C3orf20: variants seen among roughly 807,000 people sequenced by gnomAD.
C3orf20 encodes family with sequence similarity 149 member C, also known as uncharacterized protein C3orf20.
A neutral mutation model predicts 88.3 loss-of-function variants in C3orf20; 76 were observed. The observed-to-expected ratio is 0.86, with a 90% CI of 0.72 to 1.04. The LOEUF (loss-of-function observed/expected upper bound fraction) is 1.04, where lower values mean the gene tolerates loss of function less well. Among genes scored for constraint, C3orf20 ranks in the 50% least tolerant of loss-of-function variants. The probability of loss-of-function intolerance (pLI) is 0.00; values close to 1 mark genes in which losing one functional copy is unlikely to be tolerated. For synonymous variants in C3orf20, 436 were observed against 437.4 expected, an observed-to-expected ratio of 1.00 and a Z score of 0.04; for missense variants, 1,056 against 1,123.3, an observed-to-expected ratio of 0.94 and a Z score of 0.86.
At position 14,680,830 on chromosome 3, in the gene C3orf20, C is replaced by T. The variant is rs371604997; in HGVS notation, c.-298-1340C>T. On this transcript the variant is annotated intron_variant, in intron 1 of 16. Transcript: ENST00000253697. ...GACTTAAAAAAAAATCTGCCCTGCACAGTCAGGATCAGATCCCTCTGGCTG... is the reference window on the plus strand; with the variant it reads ...GACTTAAAAAAAAATCTGCCCTGCATAGTCAGGATCAGATCCCTCTGGCTG... Among the ~76,000 whole-genome samples, 4 of 152,246 alleles carry T rather than the reference C, an allele frequency of 2.6e-5. No homozygotes were observed. In the South Asian group the frequency reaches 6.2e-4, roughly 24 times the overall value.
rs1423066993 is a variant in C3orf20, at chr3:14,715,386, A to T, written c.1411A>T (p.Thr471Ser). 16 of 1,611,766 alleles carry T rather than the reference A, an allele frequency of 9.9e-6. No individual in the cohort carries two copies. In the South Asian group the frequency reaches 1.5e-4, roughly 16 times the overall value. Residue 471 changes from threonine (T) to serine (S), a missense_variant, in exon 9 of 17, where the codon ACC becomes TCC. Physicochemically the swap from Thr to Ser is moderately conservative, Grantham distance 58 (BLOSUM62 1). Transcript: ENST00000253697. ...GTGGAGCTGGACTTCCAGGACAGAG[A>T]CCCTGCTTTCCCTGGAATACAAGGT... ...HKWSWTSRTE[T>S]LLSLEYKVNE... is the part of the protein sequence containing the mutation.
intron 11 of C3orf20, among the ~76,000 whole-genome samples, chr3:14,727,913 C>G (rs2034411102): frequency 6.6e-6 from 1 of 152,174 alleles, no homozygotes; most frequent in Non-Finnish European, 1.5e-5. Context: ...TCTTGGGGTG[C>G]CTCTGCATGC....
intron 1 of C3orf20, among the ~76,000 whole-genome samples, chr3:14,678,219 C>G (rs192940430): frequency 7.9e-5 from 12 of 152,204 alleles, no homozygotes; most frequent in Non-Finnish European, 1.3e-4. Context: ...CTCTGTGCTG[C>G]GTGTGTGCTG....
chr3:14,741,693 G>T (rs1314261656), intron 12 of C3orf20, among the ~76,000 whole-genome samples: 3 of 152,204 alleles, frequency 2.0e-5, no homozygotes, highest in Non-Finnish European at 4.4e-5. Context: ...CTTTACTGAA[G>T]AGGTGTTACA....
At chr3:14,748,406 T>C (rs2035121539) in intron 12 of C3orf20, among the ~76,000 whole-genome samples, 1 of 152,104 alleles carries the variant, frequency 6.6e-6, no homozygotes, top group Admixed American at 6.6e-5. Context: ...AGAACCAACA[T>C]CTGTTTTGTT....
chr3:14,742,778 T>A (rs375112399), intron 12 of C3orf20, among the ~76,000 whole-genome samples: 180 of 152,258 alleles, frequency 1.2e-3, no homozygotes, highest in African/African-American at 3.7e-3. Flanking sequence ...GGCTAAAGGC[T>A]CTTCTTATGT....
intron 15 of C3orf20, among the ~76,000 whole-genome samples, chr3:14,761,928 C>G (rs1289688870): frequency 6.6e-6 from 1 of 152,104 alleles, no homozygotes; most frequent in Non-Finnish European, 1.5e-5. Context: ...GAAAGAGGGA[C>G]ATGGGAATGC....
At chr3:14,684,146 C>G (rs1428555164) in intron 3 of C3orf20, 96 bp from the exon 4 acceptor site, 9 of 1,522,346 alleles carry the variant, frequency 5.9e-6, no homozygotes, top group African/African-American at 4.1e-5. Context: ...GCGCTCTACT[C>G]TACCCTTCTT....
intron 1 of C3orf20, among the ~76,000 whole-genome samples, chr3:14,675,847 CG>C (rs2031738181): frequency 6.6e-6 from 1 of 152,118 alleles, no homozygotes; most frequent in Non-Finnish European, 1.5e-5. Flanking sequence ...TGCACCACCA[CG>C]TCCAGCTAAT....
chr3:14,697,428 T>G (rs1302777011), intron 5 of C3orf20, among the ~76,000 whole-genome samples: 3 of 152,076 alleles, frequency 2.0e-5, no homozygotes, highest in Non-Finnish European at 2.9e-5. Context: ...ACTAATTCTT[T>G]CTTCTGCTTG....
intron 12 of C3orf20, among the ~76,000 whole-genome samples, chr3:14,754,077 A>G (rs1043932326): frequency 1.3e-5 from 2 of 152,212 alleles, no homozygotes; most frequent in African/African-American, 4.8e-5. Flanking sequence ...CAAACCTGGT[A>G]TCTATATTCC....
Position 14,757,629 on chromosome 3 carries a change from T to A in C3orf20, c.2199T>A (p.Thr733=). Residue 733 remains threonine (T), a synonymous_variant, in exon 13 of 17, where the codon ACT becomes ACA. Transcript: ENST00000253697. ...STGQLQWLLN[T]LYNHQQRGRG... Reference sequence around the variant, plus strand: ...GGCAGCTCCAGTGGCTGCTGAACACTCTCTACAACCACCAGCAGCGGGGCC... The same window carrying A: ...GGCAGCTCCAGTGGCTGCTGAACACACTCTACAACCACCAGCAGCGGGGCC... The A allele has an allele frequency of 6.2e-7, 1 of 1,613,282 alleles. No individual in the cohort carries two copies. Among genetic ancestry groups the A allele is most frequent in the South Asian group, 1.1e-5 (1 of 91,064 alleles).
At chr3:14,759,344 AAAG>A (rs2035486773) in intron 13 of C3orf20, among the ~76,000 whole-genome samples, 1 of 152,170 alleles carries the variant, frequency 6.6e-6, no homozygotes, top group African/African-American at 2.4e-5. Flanking sequence ...AGGCATCCAG[AAAG>A]AAGGAGGGGA....
rs954790912 is a variant in C3orf20 at position 14,695,196 on chromosome 3, T to C, written c.745+5080T>C. Among the ~76,000 whole-genome samples, 4 of 152,206 alleles carry C rather than the reference T, an allele frequency of 2.6e-5. No homozygotes were observed. The East Asian group carries it at 7.7e-4, about 29-fold the overall frequency. ...GTTTTGGTATGTTGTGTTTCCATTG[T>C]CTTTTGCTTCAAGAATTTTTAAAAT... On this transcript the variant is annotated intron_variant, in intron 5 of 16. Transcript: ENST00000253697.
chr3:14,711,612 A>T (rs1340766016), intron 7 of C3orf20, among the ~76,000 whole-genome samples: 2 of 146,926 alleles, frequency 1.4e-5, no homozygotes, highest in Non-Finnish European at 3.0e-5. Flanking sequence ...GGTTTTTAAA[A>T]ATTTATCCTG....
intron 13 of C3orf20, among the ~76,000 whole-genome samples, chr3:14,758,735 C>G (rs981622810): frequency 2.0e-5 from 3 of 152,174 alleles, no homozygotes; most frequent in African/African-American, 2.4e-5. Flanking sequence ...CTGGCACGTC[C>G]ACCCTCGGGT....
chr3:14,706,097 C>T (rs1347994745), intron 7 of C3orf20, among the ~76,000 whole-genome samples: 1 of 152,190 alleles, frequency 6.6e-6, no homozygotes, highest in Non-Finnish European at 1.5e-5. Flanking sequence ...ACCACTTTCA[C>T]AAAGGCTAAG....
Position 14,720,533 on chromosome 3 carries a change from G to GGTT in C3orf20, c.1435-1071_1435-1069dup, listed in dbSNP as rs199995038. ...AAATGGAAGGAGCAAAGCAGAGAGT[G>GGTT]GTTGTTGTTGTTGTTGTTGTTGTTG... is the stretch of plus-strand genomic sequence containing the variant. On this transcript the variant is annotated intron_variant, in intron 9 of 16. Coordinates refer to ENST00000253697, the MANE Select transcript of C3orf20 (RefSeq NM_032137.5). Among the ~76,000 whole-genome samples the GGTT allele has an allele frequency of 4.5e-3, 678 of 149,234 alleles. 2 individuals carry two copies. Among genetic ancestry groups the GGTT allele is most frequent in the East Asian group, 9.0e-3 (45 of 4,996 alleles).
chr3:14,771,237 G>T (rs2035851832), intron 15 of C3orf20, among the ~76,000 whole-genome samples: 1 of 152,236 alleles, frequency 6.6e-6, no homozygotes, highest in Admixed American at 6.5e-5. Flanking sequence ...GAATCTGCAG[G>T]TTCCTTGATG....
Sources: allele counts gnomAD v4.1 joint callset (sites outside exome capture counted in the v4.1 genomes callset), GRCh38; gene constraint gnomAD v4.1.1; transcripts MANE v1.5; gene names NCBI Gene and HGNC (gene_info 2026-07-23, HGNC 2026-07-21).